Variants in LRBA observed in about 807,000 individuals in gnomAD.
LRBA encodes the protein LPS responsive beige-like anchor protein.
Under a neutral mutation model 330.0 loss-of-function variants are expected in LRBA, and 176 were observed. That is an observed-to-expected ratio of 0.53 (90% confidence interval 0.47 to 0.60). The LOEUF (loss-of-function observed/expected upper bound fraction) is 0.60. Among genes scored for constraint, LRBA ranks in the 20% least tolerant of loss-of-function variants. The pLI, the probability that LRBA is intolerant of heterozygous loss-of-function variation, is 0.00. For synonymous variants in LRBA, 1,230 were observed against 1,193.0 expected (o/e 1.03, Z -0.64); for missense variants, 3,259 against 3,444.8 (o/e 0.95, Z 1.35).
chr4:150,823,470 T>G (rs1225159777), intron 30 of LRBA, among the ~76,000 whole-genome samples: 5 of 152,164 alleles, frequency 3.3e-5, no homozygotes, highest in Admixed American at 6.6e-5. Context: ...TAGCTTGATG[T>G]GATCTCATCT....
At chr4:150,397,916 T>C (rs1433672485) in intron 47 of LRBA, among the ~76,000 whole-genome samples, 1 of 152,198 alleles carries the variant, frequency 6.6e-6, no homozygotes, top group African/African-American at 2.4e-5. Context: ...GCACGACAGC[T>C]CTTATTATCC....
At chr4:150,367,676 A>G (rs558845573) in intron 47 of LRBA, among the ~76,000 whole-genome samples, 95 of 152,352 alleles carry the variant, frequency 6.2e-4, no homozygotes, top group African/African-American at 1.9e-3. Flanking sequence ...CAGCTAAACA[A>G]AAACTGTATA....
At chr4:150,587,393 T>C (rs1180926716) in intron 40 of LRBA, among the ~76,000 whole-genome samples, 1 of 152,180 alleles carries the variant, frequency 6.6e-6, no homozygotes, top group East Asian at 1.9e-4. Context: ...TCAGAGCAAA[T>C]TATACCATTC....
chr4:150,849,647 G>A, intron 24 of LRBA, 72 bp from the exon 25 acceptor site: 1 of 1,228,360 alleles, frequency 8.1e-7, no homozygotes, highest in Non-Finnish European at 1.2e-6. Context: ...CTTGAGGGGA[G>A]GAAAGATAAG....
intron 47 of LRBA, among the ~76,000 whole-genome samples, chr4:150,364,967 C>A (rs1018429173): frequency 1.3e-5 from 2 of 151,316 alleles, no homozygotes; most frequent in Non-Finnish European, 2.9e-5. Context: ...AAATATATAT[C>A]ATAATATATA....
At chr4:150,447,069 T>G (rs535246407) in intron 44 of LRBA, among the ~76,000 whole-genome samples, 25 of 152,288 alleles carry the variant, frequency 1.6e-4, no homozygotes, top group African/African-American at 5.8e-4. Flanking sequence ...GACAGGGTTT[T>G]GGGCTGCCTC....
chr4:150,553,369 T>C (rs1235262752), intron 40 of LRBA, among the ~76,000 whole-genome samples: 2 of 151,754 alleles, frequency 1.3e-5, no homozygotes, highest in African/African-American at 4.8e-5. Context: ...CTAATGTAAA[T>C]GACGAGTTAC....
chr4:150,285,828 A>G, intron 54 of LRBA, 105 bp downstream of exon 54: 1 of 598,954 alleles, frequency 1.7e-6, no homozygotes, highest in Non-Finnish European at 2.8e-6. Context: ...TGGCTATCAT[A>G]ACAGACAGAA....
intron 47 of LRBA, among the ~76,000 whole-genome samples, chr4:150,397,864 T>G (rs1481005508): frequency 6.6e-6 from 1 of 152,156 alleles, no homozygotes; most frequent in Non-Finnish European, 1.5e-5. Context: ...AATCCATAAA[T>G]GGCTTACAAC....
At chr4:150,651,401 A>C (rs1469094725) in intron 37 of LRBA, among the ~76,000 whole-genome samples, 1 of 152,192 alleles carries the variant, frequency 6.6e-6, no homozygotes, top group African/African-American at 2.4e-5. Context: ...ATAAGTACTT[A>C]AGTATTAATT....
intron 53 of LRBA, among the ~76,000 whole-genome samples, chr4:150,287,992 T>A (rs1212059087): frequency 2.0e-4 from 19 of 95,456 alleles, no homozygotes; most frequent in African/African-American, 4.3e-4. Flanking sequence ...GATCCACAAA[T>A]TTTTTTTTTT....
At chr4:150,490,555 C>A (rs1366493604) in intron 41 of LRBA, among the ~76,000 whole-genome samples, 4 of 151,706 alleles carry the variant, frequency 2.6e-5, no homozygotes, top group African/African-American at 9.7e-5. Context: ...ACATATGAAT[C>A]GTTATTGTCC....
intron 37 of LRBA, among the ~76,000 whole-genome samples, chr4:150,645,022 G>T (rs1180692534): frequency 6.6e-6 from 1 of 151,120 alleles, no homozygotes; most frequent in Non-Finnish European, 1.5e-5. Flanking sequence ...TTTTTTCATG[G>T]TCTTAACCAA....
intron 47 of LRBA, among the ~76,000 whole-genome samples, chr4:150,375,972 C>T (rs2151877360): frequency 6.6e-6 from 1 of 152,268 alleles, no homozygotes; most frequent in East Asian, 1.9e-4. Context: ...TAACACTGAT[C>T]TCTCCCCTGG....
intron 46 of LRBA, among the ~76,000 whole-genome samples, chr4:150,418,468 T>G (rs1204962184): frequency 1.3e-5 from 2 of 152,190 alleles, no homozygotes; most frequent in Non-Finnish European, 2.9e-5. Context: ...TTTTAAGTCT[T>G]TCAGCTACAT....
intron 2 of LRBA, among the ~76,000 whole-genome samples, chr4:150,969,824 TTGAGA>T (rs1373143680): frequency 2.0e-5 from 3 of 152,208 alleles, no homozygotes; most frequent in Non-Finnish European, 2.9e-5. Context: ...ATGAGTATTG[TTGAGA>T]TAACAAAGGA....
rs11389573 is a variant in LRBA, at chr4:150,792,028, CA to C, written c.5580+6052del. Among the ~76,000 whole-genome samples the C allele has an allele frequency of 4.1e-4, 19 of 46,318 alleles. No individual in the cohort carries two copies. The East Asian group carries it at 8.1e-3, about 20-fold the overall frequency. 30.4% of individuals were successfully genotyped at this position (46,318 alleles called of 152,430 possible). On this transcript the variant is annotated intron_variant, in intron 34 of 56. Transcript: ENST00000651943. ...TGGGCGACAGAGCAAGGCTCCATCT[CA>C]AAAAAAAAAAAAAAAAAAAAAAGAA...
intron 4 of LRBA, among the ~76,000 whole-genome samples, chr4:150,924,868 T>C (rs968114816): frequency 2.0e-5 from 3 of 152,184 alleles, no homozygotes; most frequent in Non-Finnish European, 2.9e-5. Context: ...TAATCTTTTT[T>C]ATGTAGATTA....
intron 46 of LRBA, among the ~76,000 whole-genome samples, chr4:150,433,417 T>G (rs1750689831): frequency 6.6e-6 from 1 of 152,080 alleles, no homozygotes; most frequent in Admixed American, 6.5e-5. Context: ...CTCCTGCCCA[T>G]CAAAGCAATG....
Sources: gnomAD v4.1 joint callset for allele counts (sites outside exome capture counted in the v4.1 genomes callset) on GRCh38, gnomAD v4.1.1 for gene constraint, MANE v1.5 for transcripts, NCBI Gene and HGNC (gene_info 2026-07-23, HGNC 2026-07-21) for gene names.